Variants in REDIC1 observed in about 807,000 individuals in gnomAD.
The protein encoded by REDIC1 is regulator of DNA class I crossover intermediates 1.
At chr12:39,666,119 A>T in the REDIC1 span, among the ~76,000 whole-genome samples, 2 of 152,184 alleles carry the variant, frequency 1.3e-5, no homozygotes, top group Non-Finnish European at 2.9e-5. Flanking sequence ...AGGAGTGGTG[A>T]GAGAGGGCAT....
chr12:39,876,300 AG>A, the REDIC1 span, among the ~76,000 whole-genome samples: 1 of 152,238 alleles, frequency 6.6e-6, no homozygotes, highest in African/African-American at 2.4e-5. Flanking sequence ...TGGAAATGAC[AG>A]TCTATCCTAA....
the REDIC1 span, among the ~76,000 whole-genome samples, chr12:39,785,175 C>T: frequency 1.3e-5 from 2 of 152,164 alleles, no homozygotes; most frequent in Admixed American, 1.3e-4. Context: ...ACAGCAGCCC[C>T]TCCCATCACA....
the REDIC1 span, among the ~76,000 whole-genome samples, chr12:39,642,863 A>C: frequency 6.6e-6 from 1 of 151,790 alleles, no homozygotes; most frequent in Non-Finnish European, 1.5e-5. Context: ...TATAGTTCTT[A>C]CAAGATTTTT....
At chr12:39,712,181 T>C in the REDIC1 span, among the ~76,000 whole-genome samples, 2 of 138,958 alleles carry the variant, frequency 1.4e-5, no homozygotes, top group African/African-American at 2.8e-5. Context: ...TATATACCTG[T>C]ATGTATATGT....
the REDIC1 span, among the ~76,000 whole-genome samples, chr12:39,858,179 T>A: frequency 6.6e-6 from 1 of 152,220 alleles, no homozygotes; most frequent in East Asian, 1.9e-4. Flanking sequence ...ACACTGGGTA[T>A]TTATTTAAGT....
At chr12:39,863,909 T>C in the REDIC1 span, among the ~76,000 whole-genome samples, 1 of 152,232 alleles carries the variant, frequency 6.6e-6, no homozygotes, top group African/African-American at 2.4e-5. Flanking sequence ...TAGGGTTGTA[T>C]GAGTTAATAA....
chr12:39,746,736 G>A, the REDIC1 span, among the ~76,000 whole-genome samples: 16 of 152,328 alleles, frequency 1.1e-4, no homozygotes, highest in African/African-American at 3.8e-4. Context: ...AGCTTCCAGA[G>A]GAATGATCAG....
chr12:39,840,633 C>G, the REDIC1 span, among the ~76,000 whole-genome samples: 1 of 151,956 alleles, frequency 6.6e-6, no homozygotes, highest in Non-Finnish European at 1.5e-5. Context: ...TCCTTTGCTT[C>G]AAGACTCATG....
At chr12:39,728,951 G>C in the REDIC1 span, among the ~76,000 whole-genome samples, 2 of 152,004 alleles carry the variant, frequency 1.3e-5, no homozygotes, top group African/African-American at 4.8e-5. Context: ...TCTGCATAGA[G>C]GTGTTTATAG....
chr12:39,885,287 C>T, the REDIC1 span, among the ~76,000 whole-genome samples: 1 of 152,118 alleles, frequency 6.6e-6, no homozygotes, highest in Non-Finnish European at 1.5e-5. Context: ...CAAATGAATG[C>T]TTTCATCTCC....
At chr12:39,643,797 A>G in the REDIC1 span, 1 of 1,541,166 alleles carries the variant, frequency 6.5e-7, no homozygotes, top group Non-Finnish European at 8.9e-7. Flanking sequence ...TGAAAAACAC[A>G]GGTTAAAATC....
chr12:39,692,194 T>C, the REDIC1 span: 1 of 1,253,338 alleles, frequency 8.0e-7, no homozygotes, highest in Non-Finnish European at 1.1e-6. Flanking sequence ...TGAAGTGATT[T>C]TTTAGATGTT....
the REDIC1 span, among the ~76,000 whole-genome samples, chr12:39,869,040 G>T: frequency 2.6e-5 from 4 of 152,126 alleles, no homozygotes; most frequent in African/African-American, 9.6e-5. Flanking sequence ...TGAATCAAAG[G>T]TTAAAAATTC....
At chr12:39,795,395 C>T in the REDIC1 span, among the ~76,000 whole-genome samples, 3 of 152,020 alleles carry the variant, frequency 2.0e-5, no homozygotes, top group African/African-American at 4.8e-5. Flanking sequence ...TGCTTATTGT[C>T]TGCTCATATT....
At chr12:39,726,731 A>C in the REDIC1 span, among the ~76,000 whole-genome samples, 2 of 152,170 alleles carry the variant, frequency 1.3e-5, no homozygotes, top group Non-Finnish European at 1.5e-5. Flanking sequence ...TCCTTGAGGA[A>C]TCGCCACACT....
chr12:39,757,109 C>T, the REDIC1 span: 2 of 151,538 alleles, frequency 1.3e-5, 1 homozygote, highest in African/African-American at 4.8e-5. Flanking sequence ...CACATTCAGC[C>T]CTATGTGTTT....
At chr12:39,672,456 C>G in the REDIC1 span, among the ~76,000 whole-genome samples, 8 of 152,214 alleles carry the variant, frequency 5.3e-5, no homozygotes, top group East Asian at 1.3e-3. Context: ...CTGAGACAGG[C>G]AGATTTCAGG....
chr12:39,714,046 C>CGT, the REDIC1 span, among the ~76,000 whole-genome samples: 6 of 8,558 alleles, frequency 7.0e-4, no homozygotes, highest in Non-Finnish European at 1.4e-3. Flanking sequence ...TGTATATACA[C>CGT]ATGTATATAC....
chr12:39,709,899 C>G, the REDIC1 span, among the ~76,000 whole-genome samples: 1 of 151,692 alleles, frequency 6.6e-6, no homozygotes, highest in African/African-American at 2.4e-5. Flanking sequence ...AATCTTCATA[C>G]CATTTTCTGT....
Sources: gnomAD v4.1 joint callset for allele counts (sites outside exome capture counted in the v4.1 genomes callset) on GRCh38, gnomAD v4.1.1 for gene constraint, MANE v1.5 for transcripts, NCBI Gene and HGNC (gene_info 2026-07-23, HGNC 2026-07-21) for gene names.